CUX2: variants seen among roughly 807,000 people sequenced by gnomAD.
CUX2 encodes homeobox protein cut-like 2.
A neutral mutation model predicts 144.8 loss-of-function variants in CUX2; 40 were observed. That is an observed-to-expected ratio of 0.28 (90% CI 0.21 to 0.36). The LOEUF (loss-of-function observed/expected upper bound fraction) is 0.36. Among genes scored for constraint, CUX2 ranks in the 10% least tolerant of loss-of-function variants. The pLI is 1.00. For synonymous variants in CUX2, 827 were observed against 875.6 expected (o/e 0.94, Z 0.98); for missense variants, 1,615 against 1,994.0 (o/e 0.81, Z 3.62).
chr12:111,215,021 A>T (rs897161532), intron 2 of CUX2, among the ~76,000 whole-genome samples: 21 of 131,374 alleles, frequency 1.6e-4, no homozygotes, highest in Non-Finnish European at 4.6e-5. Context: ...AGAGAAAATA[A>T]AGCCCTCTGA....
chr12:111,043,466 A>C (rs1042589342), intron 1 of CUX2, among the ~76,000 whole-genome samples: 2 of 152,198 alleles, frequency 1.3e-5, no homozygotes, highest in African/African-American at 2.4e-5. Flanking sequence ...GGCCTGTCTC[A>C]TTCTCACTTT....
chr12:111,339,004 G>A (rs553157922), intron 20 of CUX2, among the ~76,000 whole-genome samples: 44 of 152,104 alleles, frequency 2.9e-4, no homozygotes, highest in African/African-American at 8.2e-4. Context: ...AGGCTGAGGC[G>A]GGCAGATCAC....
intron 1 of CUX2, among the ~76,000 whole-genome samples, chr12:111,161,023 T>A (rs532337518): frequency 6.6e-6 from 1 of 152,008 alleles, no homozygotes; most frequent in South Asian, 2.1e-4. Flanking sequence ...CCGCAGTGGG[T>A]GGGTGGTGGA....
chr12:111,054,172 A>AAAACAG (rs1870412598), intron 1 of CUX2, among the ~76,000 whole-genome samples: 1 of 152,080 alleles, frequency 6.6e-6, no homozygotes, highest in South Asian at 2.1e-4. Context: ...AACAAAAACA[A>AAAACAG]AAACAAAAAA....
chr12:111,071,160 A>G (rs1024341579), intron 1 of CUX2, among the ~76,000 whole-genome samples: 2 of 150,156 alleles, frequency 1.3e-5, no homozygotes, highest in African/African-American at 4.9e-5. Flanking sequence ...GCTGGATCAT[A>G]TGGTAAGAGT....
intron 3 of CUX2, among the ~76,000 whole-genome samples, chr12:111,220,969 G>T (rs1336002259): frequency 6.8e-6 from 1 of 147,400 alleles, no homozygotes; most frequent in Non-Finnish European, 1.5e-5. Context: ...AAAGGAAAAA[G>T]GATTCAAACA....
intron 1 of CUX2, among the ~76,000 whole-genome samples, chr12:111,148,255 C>T (rs1348721826): frequency 6.6e-6 from 1 of 152,006 alleles, no homozygotes; most frequent in Non-Finnish European, 1.5e-5. Flanking sequence ...AGACATCATA[C>T]TAAGTGAAAG....
intron 1 of CUX2, among the ~76,000 whole-genome samples, chr12:111,201,078 T>A (rs1355187182): frequency 2.0e-5 from 3 of 152,152 alleles, no homozygotes; most frequent in African/African-American, 4.8e-5. Context: ...GTGACCACCC[T>A]GGCCGCCCCT....
At chr12:111,100,382 CTGTG>C (rs1295382794) in intron 1 of CUX2, among the ~76,000 whole-genome samples, 5 of 151,572 alleles carry the variant, frequency 3.3e-5, no homozygotes, top group Admixed American at 6.6e-5. Flanking sequence ...CTGCCTATCT[CTGTG>C]TGTGCACTCA....
At chr12:111,227,555 C>A (rs984918310) in intron 3 of CUX2, among the ~76,000 whole-genome samples, 3 of 152,202 alleles carry the variant, frequency 2.0e-5, no homozygotes, top group African/African-American at 7.2e-5. Context: ...AGGTTCCAGG[C>A]GTACATCCCG....
intron 9 of CUX2, among the ~76,000 whole-genome samples, chr12:111,302,317 A>T (rs931613121): frequency 2.0e-5 from 3 of 152,216 alleles, no homozygotes; most frequent in Admixed American, 2.0e-4. Context: ...TAACAAAGTT[A>T]ACCAATTATT....
intron 1 of CUX2, among the ~76,000 whole-genome samples, chr12:111,082,480 G>A (rs112788368): frequency 6.6e-6 from 1 of 152,132 alleles, no homozygotes; most frequent in Non-Finnish European, 1.5e-5. Context: ...ACCGTGCTGG[G>A]CAAGTGTCCG....
chr12:111,052,197 T>C (rs1234296570), intron 1 of CUX2, among the ~76,000 whole-genome samples: 1 of 152,132 alleles, frequency 6.6e-6, no homozygotes, highest in African/African-American at 2.4e-5. Flanking sequence ...CCTTGGAGCT[T>C]ACTCAATATC....
chr12:111,321,318 T>G (rs1023621438), intron 17 of CUX2, among the ~76,000 whole-genome samples: 1 of 151,904 alleles, frequency 6.6e-6, no homozygotes, highest in African/African-American at 2.4e-5. Context: ...AATATAAAAA[T>G]TAGCTGGGCT....
chr12:111,129,136 G>A (rs960463696), intron 1 of CUX2, among the ~76,000 whole-genome samples: 1 of 152,238 alleles, frequency 6.6e-6, no homozygotes, highest in African/African-American at 2.4e-5. Flanking sequence ...ATTTCACTGA[G>A]GTGGAAGGCA....
chr12:111,202,285 G>A (rs1413208150), intron 1 of CUX2, among the ~76,000 whole-genome samples: 2 of 152,200 alleles, frequency 1.3e-5, no homozygotes, highest in Admixed American at 6.5e-5. Flanking sequence ...CAGAGTGGGG[G>A]CTATTTTGTT....
At chr12:111,291,357 A>C in intron 4 of CUX2, 61 bp from the exon 5 acceptor site, 2 of 1,517,300 alleles carry the variant, frequency 1.3e-6, no homozygotes, top group Non-Finnish European at 8.8e-7. Context: ...CCCTGCAGCC[A>C]CAGCCCGGGT....
chr12:111,296,390 A>G, intron 7 of CUX2, 83 bp from the exon 8 acceptor site: 1 of 1,260,162 alleles, frequency 7.9e-7, no homozygotes, highest in Non-Finnish European at 1.1e-6. Context: ...GGCTTCGCAG[A>G]AGGAGTGGGC....
chr12:111,340,949 G>A (rs992753288), intron 20 of CUX2, among the ~76,000 whole-genome samples: 1 of 152,218 alleles, frequency 6.6e-6, no homozygotes, highest in Non-Finnish European at 1.5e-5. Flanking sequence ...ACCGGACACA[G>A]CAGTAGGGTG....
Sources: gnomAD v4.1 joint callset for allele counts (sites outside exome capture counted in the v4.1 genomes callset) on GRCh38, gnomAD v4.1.1 for gene constraint, MANE v1.5 for transcripts, NCBI Gene and HGNC (gene_info 2026-07-23, HGNC 2026-07-21) for gene names.